Variants in DHRS7B observed in about 807,000 individuals in gnomAD.
DHRS7B encodes peroxisomal reductase activating PPAR-gamma.
Under a neutral mutation model 26.4 loss-of-function variants are expected in DHRS7B, and 24 were observed. The ratio of observed to expected loss-of-function variants is 0.91; its 90% CI spans 0.66 to 1.28. The LOEUF is 1.28. DHRS7B is among the 50% of genes most tolerant of loss of function. DHRS7B has a pLI of 0.00. For missense variants in DHRS7B, 368 were observed against 419.4 expected, an observed-to-expected ratio of 0.88 and a Z score of 1.07; for synonymous variants, 142 against 166.4, an observed-to-expected ratio of 0.85 and a Z score of 1.13.
chr17:21,145,810 T>C (rs967734759), intron 1 of DHRS7B, among the ~76,000 whole-genome samples: 3 of 152,212 alleles, frequency 2.0e-5, no homozygotes, highest in Admixed American at 1.3e-4. Context: ...ATTCTGAGCA[T>C]GTTTAAGTTA....
Position 21,184,446 on chromosome 17 carries a change from T to C in DHRS7B, c.602T>C (p.Ile201Thr), listed in dbSNP as rs771774054. 6.2e-7 allele frequency: 1 copy of C among 1,614,198 alleles called. No homozygotes were observed. The highest frequency in any genetic ancestry group is 1.1e-5 in the South Asian group (1 of 91,084). The change falls in exon 5 of 7, where the codon ATT (isoleucine) becomes ACT (threonine). Residue 201 changes from isoleucine to threonine, a missense_variant. Transcript: ENST00000395511. Reference protein sequence around the residue: ...AISSIQGKMSIPFRSAYAASK... With the variant: ...AISSIQGKMSTPFRSAYAASK... ...AGCAGCATCCAGGGCAAGATGAGCATTCCTTTTCGATCAGCATGTGAGTAC... is the reference window on the plus strand; with the variant it reads ...AGCAGCATCCAGGGCAAGATGAGCACTCCTTTTCGATCAGCATGTGAGTAC...
chr17:21,140,089 A>T (rs1291443200), intron 1 of DHRS7B, among the ~76,000 whole-genome samples: 2 of 129,068 alleles, frequency 1.5e-5, no homozygotes, highest in Non-Finnish European at 3.1e-5. Context: ...CGGTGGCGTG[A>T]TCTCTGCTCA....
chr17:21,159,179 A>G (rs1276057323), intron 1 of DHRS7B, among the ~76,000 whole-genome samples: 1 of 152,146 alleles, frequency 6.6e-6, no homozygotes, highest in Non-Finnish European at 1.5e-5. Flanking sequence ...TTCTAGTCTG[A>G]GAAAGACTGT....
At position 21,191,134 on chromosome 17, in the gene DHRS7B, G is replaced by C. The variant is rs143358693; in HGVS notation, c.959G>C (p.Arg320Pro). 6.2e-7 allele frequency: 1 copy of C among 1,613,608 alleles called. No individual in the cohort carries two copies. The highest frequency in any genetic ancestry group is 8.5e-7 in the Non-Finnish European group (1 of 1,180,038). Residue 320 changes from arginine (R) to proline (P), a missense_variant, in exon 7 of 7, where the codon CGG (arginine) becomes CCG (proline). By Grantham distance (103) the Arg-to-Pro change is moderately radical. Transcript: ENST00000395511. The part of the protein sequence containing the change: ...SLMASRARKE[R>P]KSKNS ...ATGGCCTCCAGGGCCAGAAAAGAGCGGAAATCCAAGAACTCCTAGTACTCT... is the reference window on the plus strand; with the variant it reads ...ATGGCCTCCAGGGCCAGAAAAGAGCCGAAATCCAAGAACTCCTAGTACTCT...
chr17:21,140,517 C>CACACACAT (rs1478217865), intron 1 of DHRS7B, among the ~76,000 whole-genome samples: 13 of 150,248 alleles, frequency 8.7e-5, no homozygotes, highest in African/African-American at 3.2e-4. Context: ...CACACACACA[C>CACACACAT]ACACACACAC....
intron 3 of DHRS7B, among the ~76,000 whole-genome samples, chr17:21,178,742 T>G (rs973871909): frequency 3.3e-5 from 5 of 150,630 alleles, no homozygotes; most frequent in Non-Finnish European, 7.4e-5. Context: ...CACTGCAATC[T>G]CTGCCCCCTG....
intron 1 of DHRS7B, among the ~76,000 whole-genome samples, chr17:21,156,911 CAA>C (rs35192518): frequency 5.0e-5 from 7 of 139,530 alleles, no homozygotes; most frequent in Non-Finnish European, 4.6e-5. Flanking sequence ...AATTCTGTCT[CAA>C]AAAAAAAAAA....
intron 1 of DHRS7B, among the ~76,000 whole-genome samples, chr17:21,158,497 C>T (rs1973927841): frequency 6.6e-6 from 1 of 152,146 alleles, no homozygotes. Context: ...ATTAAAAAGA[C>T]ATTAAGTATG....
chr17:21,145,499 A>G (rs1973622910), intron 1 of DHRS7B, among the ~76,000 whole-genome samples: 1 of 152,220 alleles, frequency 6.6e-6, no homozygotes, highest in South Asian at 2.1e-4. Flanking sequence ...GTGTAGAAGC[A>G]TCTCAATTAA....
chr17:21,135,948 A>T (rs1427192707), intron 1 of DHRS7B, among the ~76,000 whole-genome samples: 6 of 152,072 alleles, frequency 3.9e-5, no homozygotes, highest in African/African-American at 1.4e-4. Flanking sequence ...GTTTATTTTG[A>T]TGGGCATCTT....
rs962367541 is a variant in DHRS7B at position 21,140,536 on chromosome 17, A to AC, written c.20+13546dup. Among the ~76,000 whole-genome samples the AC allele has an allele frequency of 5.5e-5, 8 of 144,602 alleles. No individual in the cohort carries two copies. In the South Asian group the frequency reaches 1.1e-3, roughly 20 times the overall value. 94.9% of individuals were successfully genotyped at this position (144,602 alleles called of 152,430 possible). ...CACACACACACACACACACACACACACACCCTGACACCCTATAGCTTTTAC... is the reference window on the plus strand; with the variant it reads ...CACACACACACACACACACACACACACCACCCTGACACCCTATAGCTTTTAC... On this transcript the variant is annotated intron_variant, in intron 1 of 6. Coordinates refer to ENST00000395511, the MANE Select transcript of DHRS7B (RefSeq NM_015510.5).
chr17:21,163,547 T>A (rs1225253568), intron 1 of DHRS7B, among the ~76,000 whole-genome samples: 2 of 152,192 alleles, frequency 1.3e-5, no homozygotes. Flanking sequence ...ATAAGGCATT[T>A]TAGTGGATGG....
intron 1 of DHRS7B, among the ~76,000 whole-genome samples, chr17:21,149,073 A>G (rs1420275451): frequency 2.6e-5 from 4 of 152,188 alleles, no homozygotes; most frequent in African/African-American, 7.2e-5. Context: ...GCAAGAAAAA[A>G]GAAGCAAATA....
intron 5 of DHRS7B, among the ~76,000 whole-genome samples, chr17:21,185,027 T>C (rs1448): frequency 0.32 from 48,308 of 152,078 alleles, 7,768 homozygotes; most frequent in Middle Eastern, 0.38. Flanking sequence ...TGTGACATAA[T>C]TGATTTAGCC....
At chr17:21,143,278 GTC>G (rs1973567414) in intron 1 of DHRS7B, among the ~76,000 whole-genome samples, 1 of 152,072 alleles carries the variant, frequency 6.6e-6, no homozygotes, top group South Asian at 2.1e-4. Context: ...GGCCAAGCTG[GTC>G]TTGAACTCCT....
chr17:21,127,076 G>T, intron 1 of DHRS7B, 85 bp downstream of exon 1: 1 of 1,397,410 alleles, frequency 7.2e-7, no homozygotes, highest in Non-Finnish European at 9.4e-7. Flanking sequence ...TTGGGTGAGG[G>T]GAAGCGGTGT....
intron 1 of DHRS7B, among the ~76,000 whole-genome samples, chr17:21,141,921 A>G (rs141650925): frequency 4.9e-4 from 75 of 152,300 alleles, no homozygotes; most frequent in Non-Finnish European, 6.8e-4. Context: ...GGTCAAGGGC[A>G]TCTCCACTCA....
chr17:21,187,650 A>G (rs920243147), intron 5 of DHRS7B, among the ~76,000 whole-genome samples: 1,425 of 142,030 alleles, frequency 0.01, 26 homozygotes, highest in African/African-American at 0.035. Context: ...AAAAAAAAAA[A>G]GGAAAAAAAA....
chr17:21,172,179 C>A lies in DHRS7B; in HGVS notation c.182C>A (p.Thr61Asn), dbSNP rs1295851912. Residue 61 changes from threonine to asparagine, a missense_variant, in exon 2 of 7, where the codon ACC (threonine) becomes AAC (asparagine). Coordinates refer to ENST00000395511, the MANE Select transcript of DHRS7B (RefSeq NM_015510.5). Reference sequence around the variant, plus strand: ...GCTGTGGTGGTGATCACAGGCGCCACCTCAGGGCTGGGCAAAGGTGGGTCC... The same window carrying A: ...GCTGTGGTGGTGATCACAGGCGCCAACTCAGGGCTGGGCAAAGGTGGGTCC... ...RNAVVVITGA[T>N]SGLGKECAKV... The A allele has an allele frequency of 3.7e-6, 6 of 1,612,858 alleles. No homozygotes were observed. The highest frequency in any genetic ancestry group is 5.1e-6 in the Non-Finnish European group (6 of 1,179,496).
Sources: allele counts gnomAD v4.1 joint callset (sites outside exome capture counted in the v4.1 genomes callset), GRCh38; gene constraint gnomAD v4.1.1; transcripts MANE v1.5; gene names NCBI Gene and HGNC (gene_info 2026-07-23, HGNC 2026-07-21).